Variants in ZNF503 observed in about 807,000 individuals in gnomAD.
ZNF503 encodes NocA-like zinc finger 2.
ZNF503 carries 15 observed loss-of-function variants against 34.4 expected under a neutral mutation model. The observed-to-expected ratio is 0.44, with a 90% CI of 0.29 to 0.67. The LOEUF is 0.67. ZNF503 is among the 30% of genes least tolerant of loss of function. The probability of loss-of-function intolerance (pLI) is 0.13; values close to 1 mark genes in which losing one functional copy is unlikely to be tolerated. For synonymous variants in ZNF503, 580 were observed against 456.8 expected (o/e 1.27, Z -3.44); for missense variants, 1,007 against 926.8 (o/e 1.09, Z -1.12).
chr10:75,357,020 A>T, the ZNF503 span, among the ~76,000 whole-genome samples: 2 of 152,170 alleles, frequency 1.3e-5, no homozygotes, highest in African/African-American at 2.4e-5. Flanking sequence ...TTGGAAATAG[A>T]TTCCTGCCCT....
the ZNF503 span, among the ~76,000 whole-genome samples, chr10:75,324,497 T>C: frequency 6.6e-6 from 1 of 152,004 alleles, no homozygotes; most frequent in African/African-American, 2.4e-5. Context: ...CCTGGCTAAT[T>C]TTTAATTTTT....
the ZNF503 span, among the ~76,000 whole-genome samples, chr10:75,293,651 GTGTA>G: frequency 6.6e-6 from 1 of 151,874 alleles, no homozygotes; most frequent in Non-Finnish European, 1.5e-5. Flanking sequence ...GTGTGCGTGT[GTGTA>G]TGTGTGTGTG....
At chr10:75,366,181 C>A in the ZNF503 span, among the ~76,000 whole-genome samples, 1 of 152,146 alleles carries the variant, frequency 6.6e-6, no homozygotes, top group Non-Finnish European at 1.5e-5. Context: ...CCCTCTAGGC[C>A]ATGGCAGCAA....
the ZNF503 span, among the ~76,000 whole-genome samples, chr10:75,337,793 G>A: frequency 3.9e-5 from 6 of 152,194 alleles, no homozygotes; most frequent in African/African-American, 1.4e-4. Flanking sequence ...CCAGTGGCTT[G>A]CAGAGCAAAA....
the ZNF503 span, among the ~76,000 whole-genome samples, chr10:75,383,700 C>T: frequency 3.2e-3 from 490 of 152,316 alleles, 2 homozygotes; most frequent in Middle Eastern, 0.014. Context: ...CTTCTTACTC[C>T]GCCATTTCAT....
chr10:75,391,904 C>T, the ZNF503 span, among the ~76,000 whole-genome samples: 1 of 152,130 alleles, frequency 6.6e-6, no homozygotes, highest in Non-Finnish European at 1.5e-5. Flanking sequence ...CCCAGTAACC[C>T]AGAATCCAGG....
At chr10:75,309,900 A>T in the ZNF503 span, among the ~76,000 whole-genome samples, 37 of 152,174 alleles carry the variant, frequency 2.4e-4, no homozygotes, top group South Asian at 7.5e-3. Context: ...ATTCATTTCG[A>T]GTTAACTTTT....
At chr10:75,324,872 A>T in the ZNF503 span, among the ~76,000 whole-genome samples, 2 of 152,020 alleles carry the variant, frequency 1.3e-5, no homozygotes, top group Non-Finnish European at 1.5e-5. Context: ...GTCTCTGTAG[A>T]TTCTTTCACT....
At chr10:75,284,256 A>G in the ZNF503 span, among the ~76,000 whole-genome samples, 1 of 152,098 alleles carries the variant, frequency 6.6e-6, no homozygotes, top group African/African-American at 2.4e-5. Flanking sequence ...CCTTCTGCAA[A>G]TGTGCTCATC....
the ZNF503 span, among the ~76,000 whole-genome samples, chr10:75,372,080 G>A: frequency 1.3e-5 from 2 of 152,060 alleles, no homozygotes; most frequent in African/African-American, 4.8e-5. Context: ...ACAGGTGCCC[G>A]CTACCACTGC....
chr10:75,285,125 TTTGTTA>T, the ZNF503 span, among the ~76,000 whole-genome samples: 1 of 152,242 alleles, frequency 6.6e-6, no homozygotes, highest in Non-Finnish European at 1.5e-5. Flanking sequence ...GTGTTTATTA[TTTGTTA>T]TTATTAGTGC....
the ZNF503 span, among the ~76,000 whole-genome samples, chr10:75,347,932 G>A: frequency 6.6e-6 from 1 of 152,116 alleles, no homozygotes; most frequent in African/African-American, 2.4e-5. Context: ...CGAGTGCAGT[G>A]GAGTGCTGTG....
At chr10:75,352,773 C>T in the ZNF503 span, among the ~76,000 whole-genome samples, 2 of 152,342 alleles carry the variant, frequency 1.3e-5, no homozygotes, top group Non-Finnish European at 2.9e-5. Flanking sequence ...CTCAATAACT[C>T]AAGGGCACAG....
the ZNF503 span, among the ~76,000 whole-genome samples, chr10:75,374,913 G>T: frequency 6.6e-6 from 1 of 152,180 alleles, no homozygotes; most frequent in Non-Finnish European, 1.5e-5. Context: ...AGAATCTAAA[G>T]TTTGTGCCAG....
the ZNF503 span, among the ~76,000 whole-genome samples, chr10:75,370,833 A>G: frequency 6.7e-6 from 1 of 148,162 alleles, no homozygotes; most frequent in Admixed American, 6.8e-5. Flanking sequence ...ATTGTTTTAC[A>G]GTGAGATACA....
chr10:75,347,008 G>A, the ZNF503 span, among the ~76,000 whole-genome samples: 977 of 152,240 alleles, frequency 6.4e-3, 50 homozygotes, highest in Admixed American at 0.06. Flanking sequence ...TCGTGTCTGG[G>A]CCAACTATTT....
At chr10:75,324,606 C>T in the ZNF503 span, among the ~76,000 whole-genome samples, 2 of 152,140 alleles carry the variant, frequency 1.3e-5, no homozygotes, top group South Asian at 2.1e-4. Context: ...GGATTGTAGG[C>T]GTGAGCCACT....
At chr10:75,294,294 T>G in the ZNF503 span, among the ~76,000 whole-genome samples, 1 of 151,918 alleles carries the variant, frequency 6.6e-6, no homozygotes, top group South Asian at 2.1e-4. Flanking sequence ...AGAAAGGGGC[T>G]GAGGCCAGGG....
the ZNF503 span, among the ~76,000 whole-genome samples, chr10:75,346,059 A>G: frequency 6.6e-6 from 1 of 152,222 alleles, no homozygotes; most frequent in Admixed American, 6.5e-5. Context: ...GCTTTCAGAA[A>G]TGAGAGATCC....
Sources: allele counts gnomAD v4.1 joint callset (sites outside exome capture counted in the v4.1 genomes callset), GRCh38; gene constraint gnomAD v4.1.1; transcripts MANE v1.5; gene names NCBI Gene and HGNC (gene_info 2026-07-23, HGNC 2026-07-21).